The following PM20D1 variants were observed in gnomAD, a reference collection of about 807,000 sequenced individuals.
PM20D1 encodes the protein peptidase M20 domain containing 1, also known as N-fatty-acyl-amino acid synthase/hydrolase PM20D1.
Under a neutral mutation model 53.8 loss-of-function variants are expected in PM20D1, and 53 were observed. That is an observed-to-expected ratio of 0.98 (90% CI 0.79 to 1.24). The LOEUF (loss-of-function observed/expected upper bound fraction) is 1.24, where lower values mean the gene tolerates loss of function less well. PM20D1 is among the 50% of genes most tolerant of loss of function. PM20D1 has a pLI of 0.00. For synonymous variants in PM20D1, 239 were observed against 241.3 expected, an observed-to-expected ratio of 0.99 and a Z score of 0.09; for missense variants, 564 against 616.8, an observed-to-expected ratio of 0.91 and a Z score of 0.91.
At chr1:205,830,153 C>T (rs1345066053) in intron 12 of PM20D1, 127 bp downstream of exon 12, 2 of 682,592 alleles carry the variant, frequency 2.9e-6, no homozygotes, top group African/African-American at 3.6e-5. Context: ...TACAATGTCT[C>T]CATTTCATTT....
At chr1:205,845,216 G>A (rs987102036) in intron 3 of PM20D1, 109 bp downstream of exon 3, 2 of 1,132,920 alleles carry the variant, frequency 1.8e-6, no homozygotes, top group African/African-American at 1.5e-5. Context: ...AGGTCTCCTG[G>A]AGCCAAGATT....
At chr1:205,844,295 C>A in intron 4 of PM20D1, 78 bp from the exon 5 acceptor site, 1 of 1,451,512 alleles carries the variant, frequency 6.9e-7, no homozygotes, top group South Asian at 1.6e-5. Flanking sequence ...GGGACCTATT[C>A]AGCCTAGCTA....
intron 5 of PM20D1, 49 bp from the exon 6 acceptor site, chr1:205,843,835 A>G: frequency 1.9e-6 from 3 of 1,598,132 alleles, no homozygotes; most frequent in Non-Finnish European, 2.6e-6. Flanking sequence ...GCCTCTCTGA[A>G]TTCTCCCATA....
intron 12 of PM20D1, chr1:205,830,055 C>G: frequency 2.2e-6 from 1 of 450,158 alleles, no homozygotes. Context: ...CAATTATCTC[C>G]ATCTTTGTAA....
At chr1:205,844,527 T>C (rs1030123289) in intron 4 of PM20D1, among the ~76,000 whole-genome samples, 1 of 152,204 alleles carries the variant, frequency 6.6e-6, no homozygotes, top group East Asian at 1.9e-4. Context: ...TTCAGTTCTT[T>C]TTCCATCACA....
At chr1:205,841,634 G>T (rs953570894) in intron 9 of PM20D1, among the ~76,000 whole-genome samples, 177 bp downstream of exon 9, 1 of 152,188 alleles carries the variant, frequency 6.6e-6, no homozygotes, top group Non-Finnish European at 1.5e-5. Context: ...GGTACTGGCA[G>T]TTACAAGAAT....
At chr1:205,832,888 ATT>A in intron 10 of PM20D1, 122 bp from the exon 11 acceptor site, 1 of 1,156,796 alleles carries the variant, frequency 8.6e-7, no homozygotes, top group Non-Finnish European at 1.2e-6. Flanking sequence ...GACAGGACTT[ATT>A]TTTTTTAAGC....
At chr1:205,832,460 A>T (rs2102522964) in intron 11 of PM20D1, 138 bp downstream of exon 11, 1 of 838,418 alleles carries the variant, frequency 1.2e-6, no homozygotes, top group East Asian at 2.9e-5. Flanking sequence ...GGGAAAATAC[A>T]GTTCTAGTCT....
At chr1:205,842,589 T>C in intron 7 of PM20D1, 87 bp downstream of exon 7, 1 of 1,309,242 alleles carries the variant, frequency 7.6e-7, no homozygotes, top group Non-Finnish European at 1.1e-6. Context: ...TGGACAGTAC[T>C]AGGGTCCTTT....
At chr1:205,845,906 A>G (rs1488086199) in intron 2 of PM20D1, among the ~76,000 whole-genome samples, 1 of 151,946 alleles carries the variant, frequency 6.6e-6, no homozygotes, top group African/African-American at 2.4e-5. Context: ...AACATGGCGA[A>G]ACCCTGTCTC....
intron 4 of PM20D1, 120 bp downstream of exon 4, chr1:205,844,691 G>T (rs1656904735): frequency 2.4e-6 from 2 of 833,626 alleles, no homozygotes; most frequent in African/African-American, 1.7e-5. Flanking sequence ...ACACGGAGAA[G>T]TTGGCAAACT....
At chr1:205,845,662 A>C in intron 2 of PM20D1, 105 bp from the exon 3 acceptor site, 1 of 922,186 alleles carries the variant, frequency 1.1e-6, no homozygotes, top group South Asian at 1.7e-5. Context: ...TTTTTTAAAC[A>C]TGCATCCTCC....
chr1:205,830,189 T>A, intron 12 of PM20D1, 91 bp downstream of exon 12: 1 of 1,004,178 alleles, frequency 1.0e-6, no homozygotes. Context: ...TTCCCCCTGA[T>A]TCTGTGGACT....
At chr1:205,843,872 T>G in intron 5 of PM20D1, 86 bp from the exon 6 acceptor site, 2 of 1,534,588 alleles carry the variant, frequency 1.3e-6, no homozygotes, top group Non-Finnish European at 1.8e-6. Flanking sequence ...TGTGCAATAG[T>G]CTAGTGGGCA....
intron 1 of PM20D1, 144 bp from the exon 2 acceptor site, chr1:205,848,115 T>G: frequency 3.9e-6 from 3 of 762,614 alleles, no homozygotes. Flanking sequence ...CGCTATTGTT[T>G]CCTCTAATTC....
intron 11 of PM20D1, among the ~76,000 whole-genome samples, chr1:205,830,817 C>T (rs555260691): frequency 6.6e-6 from 1 of 151,816 alleles, no homozygotes; most frequent in African/African-American, 2.4e-5. Context: ...ATACCCAAGG[C>T]CATGGCTGTT....
intron 10 of PM20D1, among the ~76,000 whole-genome samples, chr1:205,838,637 C>T (rs576579766): frequency 9.8e-5 from 15 of 152,318 alleles, no homozygotes; most frequent in African/African-American, 3.6e-4. Context: ...ATGTTAATGA[C>T]ACTCCAGCCT....
At position 205,842,710 on chromosome 1, in the gene PM20D1, G is replaced by C; in HGVS notation, c.869C>G (p.Thr290Arg). 6.2e-7 allele frequency: 1 copy of C among 1,614,072 alleles called. No individual in the cohort carries two copies. Among genetic ancestry groups the C allele is most frequent in the Non-Finnish European group, 8.5e-7 (1 of 1,180,040 alleles). The change falls in exon 7 of 13, where the codon ACA becomes AGA. Residue 290 changes from threonine (T) to arginine (R), a missense_variant. Transcript: ENST00000367136. Reference sequence around the variant, plus strand: ...CAGTTGCTGCAATACAGTCACCACTGTCCCGCTTCCAAATATGATAGGCAT... The same window carrying C: ...CAGTTGCTGCAATACAGTCACCACTCTCCCGCTTCCAAATATGATAGGCAT... ...TPMPIIFGSG[T>R]VVTVLQQLAN...
At chr1:205,837,734 G>A (rs1022813203) in intron 10 of PM20D1, among the ~76,000 whole-genome samples, 3 of 152,130 alleles carry the variant, frequency 2.0e-5, no homozygotes, top group East Asian at 1.9e-4. Context: ...CAGAGAGACC[G>A]GAAGGAAGGT....
Sources: gnomAD v4.1 joint callset for allele counts (sites outside exome capture counted in the v4.1 genomes callset) on GRCh38, gnomAD v4.1.1 for gene constraint, MANE v1.5 for transcripts, NCBI Gene and HGNC (gene_info 2026-07-23, HGNC 2026-07-21) for gene names.